Variants in CLCA4 observed in about 807,000 individuals in gnomAD.
CLCA4 encodes the protein calcium-activated chloride channel regulator 4.
CLCA4 carries 69 observed loss-of-function variants against 78.9 expected under a neutral mutation model. That is an observed-to-expected ratio of 0.87 (90% confidence interval 0.72 to 1.07). CLCA4 has a LOEUF of 1.07. CLCA4 is among the 50% of genes least tolerant of loss of function. CLCA4 has a pLI of 0.00. For synonymous variants in CLCA4, 362 were observed against 375.8 expected, an observed-to-expected ratio of 0.96 and a Z score of 0.42; for missense variants, 1,133 against 1,095.8, an observed-to-expected ratio of 1.03 and a Z score of -0.48.
At position 86,565,841 on chromosome 1, in the gene CLCA4, G is replaced by T; in HGVS notation, c.775G>T (p.Ala259Ser). Residue 259 changes from alanine to serine, a missense_variant, in exon 6 of 14, where the codon GCT becomes TCT. Transcript: ENST00000370563. The stretch of plus-strand genomic sequence containing the variant: ...TAACGAAAAAACCCATAATCAAGAA[G>T]CTCCAAGCCTACAAAACATAAAGTG... ...FCNEKTHNQEAPSLQNIKCNF... is the reference protein window; with the variant it reads ...FCNEKTHNQESPSLQNIKCNF... The T allele has an allele frequency of 1.3e-6, 2 of 1,582,306 alleles. No individual in the cohort carries two copies. The highest frequency in any genetic ancestry group is 1.4e-5 in the African/African-American group (1 of 73,864).
Position 86,575,510 on chromosome 1 carries a change from A to G in CLCA4, c.1862A>G (p.Tyr621Cys), listed in dbSNP as rs753548612. The G allele has an allele frequency of 8.7e-6, 14 of 1,613,322 alleles. No homozygotes were observed. In the East Asian group the frequency reaches 3.1e-4, roughly 36 times the overall value. ...GTTTACGCAGAAATTCTACAAGGAT[A>G]TGTACCTGTTCTTGGAGCCAATGTG... ...MIVYAEILQG[Y>C]VPVLGANVTA... The change falls in exon 11 of 14, where the codon TAT becomes TGT. Residue 621 changes from tyrosine to cysteine, a missense_variant. By Grantham distance (194) the Tyr-to-Cys change is radical (BLOSUM62 -2). Transcript: ENST00000370563.
At chr1:86,564,126 T>A (rs942506008) in intron 4 of CLCA4, among the ~76,000 whole-genome samples, 1 of 152,118 alleles carries the variant, frequency 6.6e-6, no homozygotes, top group African/African-American at 2.4e-5. Context: ...AAATGTGGAC[T>A]GAGTAAGAAA....
At chr1:86,562,970 C>A (rs1018559939) in intron 3 of CLCA4, among the ~76,000 whole-genome samples, 1 of 151,634 alleles carries the variant, frequency 6.6e-6, no homozygotes, top group East Asian at 1.9e-4. Context: ...GCTACAGAAA[C>A]ACACATTGTA....
intron 3 of CLCA4, among the ~76,000 whole-genome samples, chr1:86,562,834 A>G (rs1366665655): frequency 6.9e-6 from 1 of 145,168 alleles, no homozygotes; most frequent in African/African-American, 2.6e-5. Context: ...AGCCCAGGCG[A>G]CAGTGCGAGA....
intron 4 of CLCA4, 72 bp downstream of exon 4, chr1:86,563,841 C>T (rs973221283): frequency 1.2e-6 from 1 of 814,310 alleles, no homozygotes; most frequent in Non-Finnish European, 2.0e-6. Flanking sequence ...TTGATTTCTT[C>T]CAAAATCATT....
At position 86,580,102 on chromosome 1, in the gene CLCA4, C is replaced by T; in HGVS notation, c.2517C>T (p.Thr839=). The change falls in exon 14 of 14, where the codon ACC becomes ACT. Residue 839 remains threonine (T), a synonymous_variant. Coordinates refer to ENST00000370563, the MANE Select transcript of CLCA4 (RefSeq NM_012128.4). The part of the protein sequence containing the change: ...KPENISEENA[T]HIFIAIKSID... ...AAAATATCTCAGAAGAAAATGCAAC[C>T]CACATATTTATTGCCATTAAAAGTA... is the stretch of plus-strand genomic sequence containing the variant. 6.2e-7 allele frequency: 1 copy of T among 1,612,756 alleles called. No individual in the cohort carries two copies. The highest frequency in any genetic ancestry group is 1.7e-5 in the Admixed American group (1 of 59,850).
intron 1 of CLCA4, among the ~76,000 whole-genome samples, chr1:86,554,431 A>G (rs1172654929): frequency 6.6e-6 from 1 of 151,792 alleles, no homozygotes; most frequent in African/African-American, 2.4e-5. Context: ...TGCCCAGCTA[A>G]TTTTTGTATT....
chr1:86,575,358 A>T lies in CLCA4; in HGVS notation c.1710A>T (p.Gln570His). ...AKVGTWAYNL[Q>H]AKANPETLTI... ...TGGGCACTTGGGCATACAATCTTCA[A>T]GCCAAAGCGAACCCAGAAACATTAA... The change falls in exon 11 of 14, where the codon CAA becomes CAT. Residue 570 changes from glutamine to histidine, a missense_variant. By Grantham distance (24) the Gln-to-His change is conservative. Coordinates refer to ENST00000370563, the MANE Select transcript of CLCA4 (RefSeq NM_012128.4). 1 of 1,613,172 alleles carries T rather than the reference A, an allele frequency of 6.2e-7. No individual in the cohort carries two copies. Among genetic ancestry groups the T allele is most frequent in the Middle Eastern group, 1.7e-4 (1 of 6,050 alleles).
intron 11 of CLCA4, 109 bp from the exon 12 acceptor site, chr1:86,577,793 A>G: frequency 1.3e-6 from 1 of 798,678 alleles, no homozygotes; most frequent in Non-Finnish European, 2.0e-6. Context: ...GGGTCAATCT[A>G]AAAATATTAA....
intron 1 of CLCA4, among the ~76,000 whole-genome samples, chr1:86,550,833 CT>C (rs776646480): frequency 1.2e-3 from 161 of 134,416 alleles, no homozygotes; most frequent in Admixed American, 1.5e-3. Flanking sequence ...GGGATCATTT[CT>C]TTTTTTTTTT....
intron 1 of CLCA4, among the ~76,000 whole-genome samples, chr1:86,558,126 G>T (rs1280378036): frequency 6.6e-6 from 1 of 152,106 alleles, no homozygotes; most frequent in Non-Finnish European, 1.5e-5. Flanking sequence ...ACATACCATT[G>T]GGTCTTGCTT....
chr1:86,552,799 G>T, intron 1 of CLCA4: 1 of 1,093,412 alleles, frequency 9.1e-7, no homozygotes, highest in Non-Finnish European at 1.4e-6. Context: ...GTCCACGCCT[G>T]AAAACAGCTC....
At position 86,579,375 on chromosome 1, in the gene CLCA4, C is replaced by A. The variant is rs1253635332; in HGVS notation, c.2144C>A (p.Pro715Gln). Residue 715 changes from proline to glutamine, a missense_variant, in exon 13 of 14, where the codon CCA becomes CAA. Physicochemically the swap from Pro to Gln is moderately conservative, Grantham distance 76 (BLOSUM62 -1). Transcript: ENST00000370563. The stretch of plus-strand genomic sequence containing the variant: ...GCAGGGGAAATTGAAGCAAACCCGC[C>A]AAGACCTGAAATTGATGAGGATACT... ...VVNGEIEANP[P>Q]RPEIDEDTQT... 6.2e-7 allele frequency: 1 copy of A among 1,612,910 alleles called. No individual in the cohort carries two copies. Among genetic ancestry groups the A allele is most frequent in the Non-Finnish European group, 8.5e-7 (1 of 1,179,414 alleles).
At chr1:86,568,335 A>G (rs1650258866) in intron 7 of CLCA4, among the ~76,000 whole-genome samples, 1 of 149,444 alleles carries the variant, frequency 6.7e-6, no homozygotes, top group Non-Finnish European at 1.5e-5. Flanking sequence ...TTACTATATT[A>G]TATAGTAAAT....
At chr1:86,567,391 C>T in intron 6 of CLCA4, 33 bp from the exon 7 acceptor site, 1 of 1,525,990 alleles carries the variant, frequency 6.6e-7, no homozygotes, top group Non-Finnish European at 8.9e-7. Flanking sequence ...CAGTCAAAAT[C>T]ACTTGTTTGT....
chr1:86,574,831 C>T, intron 10 of CLCA4, 76 bp downstream of exon 10: 4 of 1,076,670 alleles, frequency 3.7e-6, no homozygotes, highest in Non-Finnish European at 5.7e-6. Flanking sequence ...TCATAAATGT[C>T]AGTACCAAAG....
chr1:86,556,728 C>T (rs756109250), intron 1 of CLCA4, among the ~76,000 whole-genome samples: 1 of 152,150 alleles, frequency 6.6e-6, no homozygotes, highest in African/African-American at 2.4e-5. Context: ...TCCCTCCCTC[C>T]TCAAATTTTT....
chr1:86,570,916 C>G (rs1558194126), intron 7 of CLCA4, among the ~76,000 whole-genome samples, 161 bp from the exon 8 acceptor site: 1 of 151,974 alleles, frequency 6.6e-6, no homozygotes, highest in African/African-American at 2.4e-5. Context: ...TTAACTTTCC[C>G]CAAGGATTGT....
At chr1:86,550,004 G>A (rs1649608828) in intron 1 of CLCA4, among the ~76,000 whole-genome samples, 1 of 152,148 alleles carries the variant, frequency 6.6e-6, no homozygotes, top group African/African-American at 2.4e-5. Flanking sequence ...ATAGAGTTTG[G>A]TGGTGTAGCC....
Sources: gnomAD v4.1 joint callset for allele counts (sites outside exome capture counted in the v4.1 genomes callset) on GRCh38, gnomAD v4.1.1 for gene constraint, MANE v1.5 for transcripts, NCBI Gene and HGNC (gene_info 2026-07-23, HGNC 2026-07-21) for gene names.